The following ATF6 variants were observed in gnomAD, a reference collection of about 807,000 sequenced individuals.
ATF6 encodes the protein cyclic AMP-dependent transcription factor ATF-6 alpha.
A neutral mutation model predicts 83.6 loss-of-function variants in ATF6; 53 were observed. The ratio of observed to expected loss-of-function variants is 0.63; its 90% CI spans 0.51 to 0.80. The LOEUF (loss-of-function observed/expected upper bound fraction) is 0.80, where lower values mean the gene tolerates loss of function less well. Ranked by LOEUF, ATF6 falls within the 30% of genes least tolerant of loss-of-function variation. The probability of loss-of-function intolerance (pLI) is 0.00; values close to 1 mark genes in which losing one functional copy is unlikely to be tolerated. For synonymous variants in ATF6, 288 were observed against 285.8 expected, an observed-to-expected ratio of 1.01 and a Z score of -0.08; for missense variants, 744 against 797.9, an observed-to-expected ratio of 0.93 and a Z score of 0.81.
intron 15 of ATF6, among the ~76,000 whole-genome samples, chr1:161,926,868 G>A (rs1688323086): frequency 6.6e-6 from 1 of 152,098 alleles, no homozygotes; most frequent in African/African-American, 2.4e-5. Flanking sequence ...TGACTGAAAG[G>A]TAAGAGGGTT....
At chr1:161,832,007 C>G (rs1176711538) in intron 9 of ATF6, among the ~76,000 whole-genome samples, 1 of 150,740 alleles carries the variant, frequency 6.6e-6, no homozygotes, top group Non-Finnish European at 1.5e-5. Context: ...GAGCACATGT[C>G]TGCTTCTTTC....
At chr1:161,874,861 A>C (rs892719970) in intron 14 of ATF6, among the ~76,000 whole-genome samples, 2 of 151,658 alleles carry the variant, frequency 1.3e-5, no homozygotes, top group Non-Finnish European at 3.0e-5. Flanking sequence ...TGATGTATGT[A>C]GGTATGTTTG....
chr1:161,927,393 T>G (rs1688340383), intron 15 of ATF6, among the ~76,000 whole-genome samples: 1 of 152,194 alleles, frequency 6.6e-6, no homozygotes, highest in African/African-American at 2.4e-5. Context: ...GGTCTCAAAC[T>G]CCTGGGCTCA....
chr1:161,814,183 C>G (rs1214809804), intron 7 of ATF6, among the ~76,000 whole-genome samples: 1 of 152,194 alleles, frequency 6.6e-6, no homozygotes, highest in African/African-American at 2.4e-5. Flanking sequence ...CGCGCCCGGC[C>G]TCCATCAAGT....
intron 9 of ATF6, among the ~76,000 whole-genome samples, chr1:161,843,161 C>T (rs775907333): frequency 3.9e-5 from 6 of 152,242 alleles, no homozygotes; most frequent in African/African-American, 1.2e-4. Context: ...GCCATTTAGA[C>T]GTGCCAGTTA....
chr1:161,875,109 G>T (rs1687185109), intron 14 of ATF6, among the ~76,000 whole-genome samples: 1 of 151,714 alleles, frequency 6.6e-6, no homozygotes, highest in African/African-American at 2.4e-5. Context: ...TGGCTTAATA[G>T]AAACCAGCTG....
rs79010144 is a variant in ATF6 at position 161,802,244 on chromosome 1, A to G, written c.881A>G (p.Gln294Arg). Residue 294 changes from glutamine to arginine, a missense_variant, in exon 7 of 16, where the codon CAA becomes CGA. Coordinates refer to ENST00000367942, the MANE Select transcript of ATF6 (RefSeq NM_007348.4). ...CTTTCCGTGACTAAACCTGTCCTAC[A>G]AAGTACCATGAGAAATGTCGGTTCA... ...GKLSVTKPVL[Q>R]STMRNVGSDI... is the part of the protein sequence containing the mutation. The G allele has an allele frequency of 9.3e-6, 15 of 1,614,024 alleles. No individual in the cohort carries two copies. Among genetic ancestry groups the G allele is most frequent in the Admixed American group, 5.0e-5 (3 of 59,956 alleles).
intron 1 of ATF6, among the ~76,000 whole-genome samples, chr1:161,771,277 T>C (rs1684383326): frequency 6.6e-6 from 1 of 152,158 alleles, no homozygotes; most frequent in South Asian, 2.1e-4. Flanking sequence ...ACTTAAGATA[T>C]GTGTATCAAG....
intron 12 of ATF6, 47 bp downstream of exon 12, chr1:161,853,370 A>ATTACT (rs768096800): frequency 6.8e-7 from 1 of 1,465,200 alleles, no homozygotes; most frequent in African/African-American, 1.4e-5. Context: ...ATTTGTTGGA[A>ATTACT]GGCTTCTCCC....
At chr1:161,805,729 T>C (rs900790360) in intron 7 of ATF6, among the ~76,000 whole-genome samples, 1 of 151,852 alleles carries the variant, frequency 6.6e-6, no homozygotes, top group Non-Finnish European at 1.5e-5. Context: ...ATTCCTAATT[T>C]AAAATGATCA....
chr1:161,933,466 T>A (rs1688474818), intron 15 of ATF6, among the ~76,000 whole-genome samples: 1 of 152,228 alleles, frequency 6.6e-6, no homozygotes, highest in South Asian at 2.1e-4. Context: ...AACTTTATGT[T>A]CTCCCCTTGA....
intron 14 of ATF6, among the ~76,000 whole-genome samples, chr1:161,894,702 A>ATTTTTTTTTTTT (rs59848309): frequency 1.8e-5 from 2 of 109,168 alleles, no homozygotes; most frequent in East Asian, 2.6e-4. Context: ...AGCCGGGCTA[A>ATTTTTTTTTTTT]TTTTTTTTTT....
At chr1:161,808,456 T>C (rs1010513529) in intron 7 of ATF6, among the ~76,000 whole-genome samples, 3 of 152,218 alleles carry the variant, frequency 2.0e-5, no homozygotes, top group Non-Finnish European at 2.9e-5. Flanking sequence ...ACCTATTTCA[T>C]AGAAAAGGTA....
chr1:161,778,312 G>T lies in ATF6; in HGVS notation c.151G>T (p.Glu51Ter). 1.2e-6 allele frequency: 2 copies of T among 1,612,558 alleles called. No individual in the cohort carries two copies. The highest frequency in any genetic ancestry group is 2.2e-5 in the South Asian group (2 of 91,034). ...TDELQLEAAN[E>*]TYENNFDNLD... ...TGAGCTGCAATTGGAAGCAGCAAAT[G>T]AGACGTATGTAAGTATTTACTAAGG... Residue 51 changes from glutamate (E) to a stop codon, truncating the protein, a stop_gained, in exon 2 of 16, where the codon GAG (glutamate) becomes TAG (stop). Coordinates refer to ENST00000367942, the MANE Select transcript of ATF6 (RefSeq NM_007348.4). LOFTEE classifies it high-confidence loss of function.
chr1:161,863,670 C>T (rs1488489718), intron 14 of ATF6, among the ~76,000 whole-genome samples: 1 of 151,934 alleles, frequency 6.6e-6, no homozygotes, highest in East Asian at 1.9e-4. Flanking sequence ...AAACCAATTC[C>T]CATTTGGTTA....
At chr1:161,941,982 G>A (rs111269062) in intron 15 of ATF6, among the ~76,000 whole-genome samples, 2 of 151,424 alleles carry the variant, frequency 1.3e-5, no homozygotes, top group Non-Finnish European at 2.9e-5. Flanking sequence ...TCGGCGGGGT[G>A]GGGGGGTTTT....
intron 2 of ATF6, among the ~76,000 whole-genome samples, chr1:161,781,373 G>A (rs6680543): frequency 0.13 from 19,997 of 151,726 alleles, 1,824 homozygotes; most frequent in East Asian, 0.31. Flanking sequence ...GTAGAAAAAA[G>A]GAAAATTACT....
chr1:161,912,296 G>T lies in ATF6; in HGVS notation c.1720G>T (p.Asp574Tyr), dbSNP rs1426265662. 2 of 1,599,306 alleles carry T rather than the reference G, an allele frequency of 1.3e-6. No homozygotes were observed. Among genetic ancestry groups the T allele is most frequent in the African/African-American group, 2.7e-5 (2 of 74,148 alleles). Residue 574 changes from aspartate (D) to tyrosine (Y), a missense_variant and splice_region_variant, in exon 15 of 16, where the codon GAT becomes TAT. By Grantham distance (160) the Asp-to-Tyr change is radical (BLOSUM62 -3). Transcript: ENST00000367942. ...ACAGATTGTTCTTTGTTAATTTTAG[G>T]ATCACCTGCTGTTACCAGCTACCAC... ...DTFYVVSFRRDHLLLPATTHN... is the reference protein window; with the variant it reads ...DTFYVVSFRRYHLLLPATTHN...
At position 161,862,755 on chromosome 1, in the gene ATF6, A is replaced by C. The variant is rs77852439; in HGVS notation, c.1605-443A>C. ...TCTAAACCAAGTCTGCTTGTTTTCAAGTCCTAAGCTTTTTCCACCTTTTTG... is the reference window on the plus strand; with the variant it reads ...TCTAAACCAAGTCTGCTTGTTTTCACGTCCTAAGCTTTTTCCACCTTTTTG... On this transcript the variant is annotated intron_variant, in intron 13 of 15. Coordinates refer to ENST00000367942, the MANE Select transcript of ATF6 (RefSeq NM_007348.4). 6.2e-3 allele frequency among the ~76,000 whole-genome samples: 951 copies of C among 152,276 alleles called. 6 individuals are homozygous for C. The highest frequency in any genetic ancestry group is 0.021 in the African/African-American group (863 of 41,552).
Sources: gnomAD v4.1 joint callset for allele counts (sites outside exome capture counted in the v4.1 genomes callset) on GRCh38, gnomAD v4.1.1 for gene constraint, MANE v1.5 for transcripts, NCBI Gene and HGNC (gene_info 2026-07-23, HGNC 2026-07-21) for gene names.